WDR27: variants seen among roughly 807,000 people sequenced by gnomAD.
The protein encoded by WDR27 is WD repeat-containing protein 27.
WDR27 carries 100 observed loss-of-function variants against 114.4 expected under a neutral mutation model. That is an observed-to-expected ratio of 0.87 (90% CI 0.74 to 1.03). The LOEUF (loss-of-function observed/expected upper bound fraction) is 1.03. WDR27 is among the 50% of genes least tolerant of loss of function. WDR27 has a pLI of 0.00. For missense variants in WDR27, 1,129 were observed against 1,092.9 expected, an observed-to-expected ratio of 1.03 and a Z score of -0.47; for synonymous variants, 449 against 423.1, an observed-to-expected ratio of 1.06 and a Z score of -0.75.
downstream of WDR27, chr6:169,457,201 G>C (rs1200408615): frequency 1.7e-5 from 3 of 181,796 alleles, no homozygotes; most frequent in Non-Finnish European, 3.5e-5. Context: ...CAGAAGACCA[G>C]AGCCAGTTAG....
Position 169,661,181 on chromosome 6 carries a change from C to T in WDR27, c.1026-415G>A, listed in dbSNP as rs563136517. 5.3e-5 allele frequency among the ~76,000 whole-genome samples: 8 copies of T among 152,352 alleles called. No individual in the cohort carries two copies. In the South Asian group the frequency reaches 1.7e-3, roughly 32 times the overall value. On this transcript the variant is annotated intron_variant, in intron 9 of 25. Transcript: ENST00000448612. ...GGGCACCTGCTAATGTCTGTGAAGA[C>T]GCTCGCTCTGACCTCTGTGGTTTCT...
chr6:169,562,923 G>A (rs986374128), intron 25 of WDR27, among the ~76,000 whole-genome samples: 16 of 152,096 alleles, frequency 1.1e-4, no homozygotes, highest in East Asian at 7.7e-4. Context: ...GCCACAGCCC[G>A]GGAAGGAAAT....
chr6:169,538,608 C>T (rs1043696809), intron 25 of WDR27, among the ~76,000 whole-genome samples: 2 of 151,898 alleles, frequency 1.3e-5, no homozygotes, highest in African/African-American at 4.8e-5. Flanking sequence ...GAAAACTCAT[C>T]TCCCTCTAGG....
intron 16 of WDR27, among the ~76,000 whole-genome samples, chr6:169,646,654 A>T (rs1340542669): frequency 6.6e-6 from 1 of 151,880 alleles, no homozygotes; most frequent in Non-Finnish European, 1.5e-5. Flanking sequence ...ACGCTGAGGC[A>T]GGAGAATCAC....
chr6:169,628,800 T>G (rs931696345), intron 21 of WDR27, among the ~76,000 whole-genome samples: 2 of 152,226 alleles, frequency 1.3e-5, no homozygotes, highest in African/African-American at 4.8e-5. Context: ...TAACTCAGCT[T>G]CTGATCTGCT....
chr6:169,504,428 T>C (rs1791744711), intron 25 of WDR27, among the ~76,000 whole-genome samples: 1 of 152,136 alleles, frequency 6.6e-6, no homozygotes, highest in African/African-American at 2.4e-5. Context: ...GATCTGATGG[T>C]TTTATAAATG....
chr6:169,447,388 C>T, the WDR27 span, among the ~76,000 whole-genome samples: 1 of 151,970 alleles, frequency 6.6e-6, no homozygotes, highest in African/African-American at 2.4e-5. Context: ...GATAAAACTT[C>T]CTGGGGTCAT....
chr6:169,694,809 T>C (rs9396949), intron 1 of WDR27, among the ~76,000 whole-genome samples: 75,435 of 152,230 alleles, frequency 0.5, 22,991 homozygotes, highest in East Asian at 0.95. Context: ...CGGCAGCACC[T>C]GAGTGTGGCC....
chr6:169,691,383 C>A (rs1784462089), intron 1 of WDR27, among the ~76,000 whole-genome samples: 1 of 151,778 alleles, frequency 6.6e-6, no homozygotes, highest in African/African-American at 2.4e-5. Context: ...TGCAAAGATA[C>A]TTTGAGTGTC....
intron 17 of WDR27, among the ~76,000 whole-genome samples, chr6:169,641,847 G>A (rs756202577): frequency 2.6e-4 from 39 of 152,390 alleles, no homozygotes; most frequent in East Asian, 9.6e-4. Context: ...GCGCGTCACA[G>A]ATGACGCAGC....
the WDR27 span, among the ~76,000 whole-genome samples, chr6:169,428,948 G>A: frequency 6.6e-6 from 1 of 152,170 alleles, no homozygotes. Context: ...GTCCTCACTG[G>A]AAATGGAGCT....
At chr6:169,683,749 C>T (rs1782169057) in intron 2 of WDR27, among the ~76,000 whole-genome samples, 1 of 152,176 alleles carries the variant, frequency 6.6e-6, no homozygotes, top group African/African-American at 2.4e-5. Context: ...AAAAGGTAAG[C>T]AAAAGATCCC....
intron 25 of WDR27, among the ~76,000 whole-genome samples, chr6:169,513,592 G>A (rs756107213): frequency 2.0e-5 from 3 of 149,036 alleles, no homozygotes; most frequent in Non-Finnish European, 3.0e-5. Context: ...AAACAACCAG[G>A]CACTAAGTAG....
Position 169,678,912 on chromosome 6 carries a change from G to T in WDR27, c.190-6516C>A, listed in dbSNP as rs375142181. On this transcript the variant is annotated intron_variant, in intron 2 of 25. Coordinates refer to ENST00000448612, the MANE Select transcript of WDR27 (RefSeq NM_182552.5). Reference sequence around the variant, plus strand: ...CAGGAGATAATCAACTAAGAGCCAGGCACCCTTTTTAAGTCCAAAAAGAAA... The same window carrying T: ...CAGGAGATAATCAACTAAGAGCCAGTCACCCTTTTTAAGTCCAAAAAGAAA... Among the ~76,000 whole-genome samples, 29 of 152,102 alleles carry T rather than the reference G, an allele frequency of 1.9e-4. No homozygotes were observed. In the South Asian group the frequency reaches 3.9e-3, roughly 21 times the overall value.
At chr6:169,497,680 C>T (rs965393195) in intron 25 of WDR27, among the ~76,000 whole-genome samples, 10 of 151,930 alleles carry the variant, frequency 6.6e-5, no homozygotes, top group East Asian at 3.9e-4. Flanking sequence ...ATTTGGGAAA[C>T]GCAAAACAAA....
chr6:169,574,437 T>C (rs373851961), intron 24 of WDR27, among the ~76,000 whole-genome samples: 1 of 90,720 alleles, frequency 1.1e-5, no homozygotes, highest in African/African-American at 2.9e-5. Context: ...TTAAAATGTA[T>C]TAAAACAAAA....
At chr6:169,574,085 C>G (rs746631843) in intron 24 of WDR27, among the ~76,000 whole-genome samples, 2 of 152,280 alleles carry the variant, frequency 1.3e-5, no homozygotes, top group Non-Finnish European at 2.9e-5. Context: ...ATCCCTAAGT[C>G]ACATCTGACA....
At chr6:169,680,540 C>A (rs1025709294) in intron 2 of WDR27, among the ~76,000 whole-genome samples, 1 of 152,144 alleles carries the variant, frequency 6.6e-6, no homozygotes, top group Non-Finnish European at 1.5e-5. Context: ...CAAGATTGCG[C>A]CACTGCACTC....
intron 25 of WDR27, among the ~76,000 whole-genome samples, chr6:169,500,014 C>A (rs1033626797): frequency 6.6e-6 from 1 of 152,158 alleles, no homozygotes; most frequent in African/African-American, 2.4e-5. Context: ...CTTAGATGGC[C>A]GTACTCAGCA....
Sources: allele counts gnomAD v4.1 joint callset (sites outside exome capture counted in the v4.1 genomes callset), GRCh38; gene constraint gnomAD v4.1.1; transcripts MANE v1.5; gene names NCBI Gene and HGNC (gene_info 2026-07-23, HGNC 2026-07-21).